The following SYT7 variants were observed in gnomAD, a reference collection of about 807,000 sequenced individuals.
The protein encoded by SYT7 is synaptotagmin 7.
A neutral mutation model predicts 75.1 loss-of-function variants in SYT7; 29 were observed. That is an observed-to-expected ratio of 0.39 (90% CI 0.29 to 0.53). SYT7 has a LOEUF of 0.53. SYT7 is among the 20% of genes least tolerant of loss of function. SYT7 has a pLI of 0.77. For synonymous variants in SYT7, 376 were observed against 401.7 expected, an observed-to-expected ratio of 0.94 and a Z score of 0.76; for missense variants, 693 against 953.2, an observed-to-expected ratio of 0.73 and a Z score of 3.59.
At chr11:61,534,790 C>A (rs551658987) in intron 7 of SYT7, among the ~76,000 whole-genome samples, 1 of 152,056 alleles carries the variant, frequency 6.6e-6, no homozygotes, top group East Asian at 2.0e-4. Context: ...CACGCGGGCG[C>A]CCCTCCCAGA....
At position 61,524,236 on chromosome 11, in the gene SYT7, G is replaced by A. The variant is rs2062439718; in HGVS notation, c.1641+127C>T. On this transcript the variant is annotated intron_variant, in intron 10 of 12. Transcript: ENST00000539008. This position sits in a 1 kb window ranked among gnomAD's most constrained non-coding sequence, Gnocchi z 4.1. Reference sequence around the variant, plus strand: ...CTGCTAGCGAGGGCTGAGCTCCATCGGGTCCACCCATCTGCACCCTCTCCC... The same window carrying A: ...CTGCTAGCGAGGGCTGAGCTCCATCAGGTCCACCCATCTGCACCCTCTCCC... 3 of 1,166,198 alleles carry A rather than the reference G, an allele frequency of 2.6e-6. No individual in the cohort carries two copies. The highest frequency in any genetic ancestry group is 3.6e-6 in the Non-Finnish European group (3 of 837,130). 72.2% of individuals were successfully genotyped at this position (1,166,198 alleles called of 1,614,324 possible).
intron 7 of SYT7, among the ~76,000 whole-genome samples, chr11:61,534,470 TAC>T (rs1348099504): frequency 6.7e-6 from 1 of 150,094 alleles, no homozygotes; most frequent in African/African-American, 2.5e-5. Flanking sequence ...CGTGCATATG[TAC>T]ACACACACAT....
chr11:61,567,491 GC>G, intron 1 of SYT7, among the ~76,000 whole-genome samples: 1 of 152,186 alleles, frequency 6.6e-6, no homozygotes, highest in Non-Finnish European at 1.5e-5. Context: ...GAGAGACTGT[GC>G]ATAGTGATTC....
chr11:61,524,015 T>C lies in SYT7; in HGVS notation c.1642-74A>G. 1 of 1,366,646 alleles carries C rather than the reference T, an allele frequency of 7.3e-7. No individual in the cohort carries two copies. The highest frequency in any genetic ancestry group is 1.0e-6 in the Non-Finnish European group (1 of 960,254). The allele number at this position is 1,366,646 out of a possible 1,614,324, so 84.7% of individuals were successfully genotyped here. A position where few individuals can be genotyped will look rare whatever the true frequency, so the allele number is the denominator to read the frequency against. On this transcript the variant is annotated intron_variant, in intron 10 of 12. Coordinates refer to ENST00000539008, the MANE Select transcript of SYT7 (RefSeq NM_001365809.2). The surrounding 1 kb of genome is among the most constrained non-coding windows in gnomAD (Gnocchi z 4.1). The stretch of plus-strand genomic sequence containing the variant: ...TCTGATTGGCCTAGCTGCCCCCAGG[T>C]CCCCTCTACCCTGACCTTGGTGCTT...
intron 1 of SYT7, among the ~76,000 whole-genome samples, chr11:61,556,599 T>G (rs1360027227): frequency 6.6e-6 from 1 of 152,206 alleles, no homozygotes; most frequent in East Asian, 1.9e-4. Context: ...CTGGATGGCC[T>G]TTTCACACAG....
intron 3 of SYT7, among the ~76,000 whole-genome samples, chr11:61,548,016 C>T (rs2063241942): frequency 6.6e-6 from 1 of 152,236 alleles, no homozygotes; most frequent in Admixed American, 6.5e-5. Flanking sequence ...GCTCTCTCTT[C>T]TACTCCATGA....
In SYT7 at chr11:61,542,390, G is replaced by C; in HGVS notation, c.762C>G (p.Ala254=). The C allele has an allele frequency of 6.5e-7, 1 of 1,531,596 alleles. No homozygotes were observed. Among genetic ancestry groups the C allele is most frequent in the Non-Finnish European group, 8.7e-7 (1 of 1,145,098 alleles). The allele number at this position is 1,531,596 out of a possible 1,614,324, so 94.9% of individuals were successfully genotyped here. A position where few individuals can be genotyped will look rare whatever the true frequency, so the allele number is the denominator to read the frequency against. Residue 254 remains alanine, a synonymous_variant, in exon 6 of 13, where the codon GCC becomes GCG. Transcript: ENST00000539008. This position sits in a 1 kb window ranked among gnomAD's most constrained non-coding sequence, Gnocchi z 7.8. ...TTSQSLGQLQ[A]HMASAPGPNP... ...TGGGGCCTGGTGCCGAGGCCATGTG[G>C]GCCTGCAGCTGGCCCAGGCTCTGGC...
chr11:61,523,201 C>T lies in SYT7; in HGVS notation c.1830G>A (p.Arg610=). 1 of 1,614,190 alleles carries T rather than the reference C, an allele frequency of 6.2e-7. No individual in the cohort carries two copies. The highest frequency in any genetic ancestry group is 8.5e-7 in the Non-Finnish European group (1 of 1,180,040). Residue 610 remains arginine, a synonymous_variant, in exon 12 of 13, where the codon AGG becomes AGA. Coordinates refer to ENST00000539008, the MANE Select transcript of SYT7 (RefSeq NM_001365809.2). This position sits in a 1 kb window ranked among gnomAD's most constrained non-coding sequence, Gnocchi z 5.0. ...VEKKKTVTMK[R]NLNPIFNESF... is the part of the protein sequence containing the mutation. ...ACTCATTGAAGATGGGGTTCAGGTT[C>T]CTCTTCATCGTCACCGTCTTCTTCT...
chr11:61,575,132 G>A (rs1168340199), intron 1 of SYT7, among the ~76,000 whole-genome samples: 1 of 151,972 alleles, frequency 6.6e-6, no homozygotes, highest in African/African-American at 2.4e-5. Flanking sequence ...AATCTCTGAT[G>A]CAAGCAGCAA....
intron 1 of SYT7, among the ~76,000 whole-genome samples, chr11:61,563,215 CCTT>C (rs2063685959): frequency 6.6e-6 from 1 of 152,216 alleles, no homozygotes; most frequent in Non-Finnish European, 1.5e-5. Flanking sequence ...TTCTGTCTGT[CCTT>C]CTGAGGCAGA....
chr11:61,575,644 G>A (rs1024371264), intron 1 of SYT7, among the ~76,000 whole-genome samples: 1 of 152,220 alleles, frequency 6.6e-6, no homozygotes, highest in Admixed American at 6.5e-5. Flanking sequence ...GTGTGGCAGG[G>A]GGTAGGCAGG....
chr11:61,580,551 T>A lies in SYT7; in HGVS notation c.31+239A>T, dbSNP rs1590972130. Among the ~76,000 whole-genome samples the A allele has an allele frequency of 1.3e-5, 2 of 152,038 alleles. No homozygotes were observed. Among genetic ancestry groups the A allele is most frequent in the East Asian group, 1.9e-4 (1 of 5,162 alleles). On this transcript the variant is annotated intron_variant, in intron 1 of 12. Coordinates refer to ENST00000539008, the MANE Select transcript of SYT7 (RefSeq NM_001365809.2). This position sits in a 1 kb window ranked among gnomAD's most constrained non-coding sequence, Gnocchi z 6.1. ...TTGAGGGGTGGGGGAGAGGTCCTTG[T>A]GGGGACACTGCGAAGCCGGTCCCAG...
intron 1 of SYT7, among the ~76,000 whole-genome samples, chr11:61,556,792 C>T (rs750079732): frequency 3.9e-5 from 6 of 152,190 alleles, no homozygotes; most frequent in Non-Finnish European, 8.8e-5. Context: ...ATCTCTGGAA[C>T]CCTCTGGCCA....
intron 9 of SYT7, among the ~76,000 whole-genome samples, chr11:61,525,062 C>T (rs1367310825): frequency 6.6e-6 from 1 of 152,186 alleles, no homozygotes; most frequent in Non-Finnish European, 1.5e-5. Context: ...CACCCCTCTC[C>T]TCCTGCCTGT....
chr11:61,571,555 G>C (rs372068846), intron 1 of SYT7, among the ~76,000 whole-genome samples: 1 of 152,196 alleles, frequency 6.6e-6, no homozygotes, highest in African/African-American at 2.4e-5. Context: ...TAGTGCCTGG[G>C]TGGCTGGCAC....
rs901126477 is a variant in SYT7 at position 61,523,445 on chromosome 11, C to A, written c.1757-171G>T. ...GACCTGGGAGAATCAGCAGATGGACCTTAGCGATCACCTGGGGCCCTCCTA... is the reference window on the plus strand; with the variant it reads ...GACCTGGGAGAATCAGCAGATGGACATTAGCGATCACCTGGGGCCCTCCTA... On this transcript the variant is annotated intron_variant, in intron 11 of 12. Transcript: ENST00000539008. The surrounding 1 kb of genome is among the most constrained non-coding windows in gnomAD (Gnocchi z 5.0). Among the ~76,000 whole-genome samples the A allele has an allele frequency of 2.0e-5, 3 of 152,118 alleles. No homozygotes were observed. Among genetic ancestry groups the A allele is most frequent in the East Asian group, 3.9e-4 (2 of 5,182 alleles).
At chr11:61,530,709 G>A (rs1201390697) in intron 8 of SYT7, 1 of 812,014 alleles carries the variant, frequency 1.2e-6, no homozygotes, top group Non-Finnish European at 1.5e-6. Context: ...TGGTCCCTTG[G>A]CTCCTGGCTG....
At chr11:61,581,705 A>C (rs1464656942), upstream of SYT7, among the ~76,000 whole-genome samples, 1 of 152,224 alleles carries the variant, frequency 6.6e-6, no homozygotes, top group Non-Finnish European at 1.5e-5. Flanking sequence ...GGTTTGGCCT[A>C]GTGACCCTCC....
At chr11:61,537,120 G>T (rs2062890895) in intron 7 of SYT7, among the ~76,000 whole-genome samples, 1 of 152,232 alleles carries the variant, frequency 6.6e-6, no homozygotes, top group South Asian at 2.1e-4. Context: ...TGTCTGGGCT[G>T]CCAGGCCCCA....
Sources: allele counts gnomAD v4.1 joint callset (sites outside exome capture counted in the v4.1 genomes callset), GRCh38; gene constraint gnomAD v4.1.1; non-coding constraint Gnocchi (gnomAD v3.1); transcripts MANE v1.5; gene names NCBI Gene and HGNC (gene_info 2026-07-23, HGNC 2026-07-21).